The following RALYL variants were observed in gnomAD, a reference collection of about 807,000 sequenced individuals.
RALYL encodes the protein RNA-binding Raly-like protein.
Under a neutral mutation model 35.1 loss-of-function variants are expected in RALYL, and 29 were observed. The observed-to-expected ratio is 0.83, with a 90% confidence interval of 0.61 to 1.13. RALYL has a LOEUF of 1.13. Ranked by LOEUF, RALYL falls within the 50% of genes most tolerant of loss-of-function variation. The pLI is 0.00. For missense variants in RALYL, 359 were observed against 360.4 expected (o/e 1.00, Z 0.03); for synonymous variants, 120 against 127.6 (o/e 0.94, Z 0.40).
rs1564061987 is a variant in RALYL at position 84,511,700 on chromosome 8, C to A, written c.-23-17599C>A. Among the ~76,000 whole-genome samples, 6 of 152,278 alleles carry A rather than the reference C, an allele frequency of 3.9e-5. No homozygotes were observed. In the South Asian group the frequency reaches 1.2e-3, roughly 32 times the overall value. On this transcript the variant is annotated intron_variant, in intron 1 of 8. Coordinates refer to ENST00000521268, the MANE Select transcript of RALYL (RefSeq NM_173848.7). The stretch of plus-strand genomic sequence containing the variant: ...TGAACTACCTCTCTTCATCTCACCT[C>A]TCCCCATACCCACATATGCCCTTCC...
In RALYL at chr8:84,416,303, C is replaced by A. The variant is rs79773155; in HGVS notation, c.-23-112996C>A. Among the ~76,000 whole-genome samples, 26 of 152,282 alleles carry A rather than the reference C, an allele frequency of 1.7e-4. No homozygotes were observed. The East Asian group carries it at 4.2e-3, about 25-fold the overall frequency. On this transcript the variant is annotated intron_variant, in intron 1 of 8. Coordinates refer to ENST00000521268, the MANE Select transcript of RALYL (RefSeq NM_173848.7). ...GGTCAAGACAGACATTAAATATCAT[C>A]CAAATAATCATAAAATTTACTGTGG...
At chr8:84,286,292 T>A (rs775290024) in intron 1 of RALYL, among the ~76,000 whole-genome samples, 14 of 152,186 alleles carry the variant, frequency 9.2e-5, no homozygotes, top group Non-Finnish European at 1.8e-4. Context: ...TTTTCTCTGG[T>A]CATGTTTGGT....
intron 1 of RALYL, among the ~76,000 whole-genome samples, chr8:84,366,099 C>G (rs1854203528): frequency 6.6e-6 from 1 of 152,146 alleles, no homozygotes; most frequent in Admixed American, 6.6e-5. Flanking sequence ...GCTCTGTTGT[C>G]TGGTGCCAGA....
chr8:84,223,152 CCTT>C (rs1822796547), intron 1 of RALYL, among the ~76,000 whole-genome samples: 1 of 132,466 alleles, frequency 7.5e-6, no homozygotes, highest in East Asian at 2.3e-4. Context: ...CCTTTCCTTT[CCTT>C]TCTTTCCTTC....
intron 1 of RALYL, among the ~76,000 whole-genome samples, chr8:84,506,518 G>A (rs1349711054): frequency 3.3e-5 from 5 of 151,722 alleles, no homozygotes; most frequent in Non-Finnish European, 7.4e-5. Flanking sequence ...TAAAGTATTC[G>A]GTTATTGGAT....
intron 1 of RALYL, among the ~76,000 whole-genome samples, chr8:84,406,084 A>G (rs1586908217): frequency 6.6e-6 from 1 of 151,716 alleles, no homozygotes. Context: ...AAAGAATAAC[A>G]AAAAGTTAAC....
At chr8:84,414,580 G>T (rs768529767) in intron 1 of RALYL, among the ~76,000 whole-genome samples, 1 of 151,994 alleles carries the variant, frequency 6.6e-6, no homozygotes, top group Non-Finnish European at 1.5e-5. Context: ...CATATTTGAC[G>T]TGCAAATATA....
At chr8:84,438,044 A>C (rs2047931883) in intron 1 of RALYL, among the ~76,000 whole-genome samples, 1 of 152,078 alleles carries the variant, frequency 6.6e-6, no homozygotes, top group African/African-American at 2.4e-5. Flanking sequence ...TTTGTTGGCC[A>C]TTGCTATGTC....
At chr8:84,304,294 T>A (rs899341090) in intron 1 of RALYL, among the ~76,000 whole-genome samples, 4 of 152,052 alleles carry the variant, frequency 2.6e-5, no homozygotes, top group African/African-American at 9.7e-5. Context: ...ATTTTTTGTA[T>A]TTTTAGTAGA....
chr8:84,358,696 A>G (rs1852351180), intron 1 of RALYL, among the ~76,000 whole-genome samples: 1 of 152,084 alleles, frequency 6.6e-6, no homozygotes, highest in Non-Finnish European at 1.5e-5. Context: ...AGAATGGCTT[A>G]ACTGCACTGG....
In RALYL at chr8:84,886,476, TA is replaced by T. The variant is rs1842931574; in HGVS notation, c.686-1122del. Among the ~76,000 whole-genome samples, 3 of 152,034 alleles carry T rather than the reference TA, an allele frequency of 2.0e-5. No homozygotes were observed. The South Asian group carries it at 6.2e-4, about 31-fold the overall frequency. On this transcript the variant is annotated intron_variant, in intron 7 of 8. Transcript: ENST00000521268. ...TGTCATAAATTATCAATAAATAAGA[TA>T]AAAAATTAGGCTATTTAAAAACTCA...
At chr8:84,363,270 T>A (rs1204228265) in intron 1 of RALYL, among the ~76,000 whole-genome samples, 1 of 152,188 alleles carries the variant, frequency 6.6e-6, no homozygotes, top group Non-Finnish European at 1.5e-5. Context: ...GTTGGCCACC[T>A]GCAGAAAAAT....
At chr8:84,641,944 A>G (rs191545040) in intron 2 of RALYL, among the ~76,000 whole-genome samples, 207 of 152,064 alleles carry the variant, frequency 1.4e-3, no homozygotes, top group Non-Finnish European at 2.4e-3. Flanking sequence ...CATGCTTCCA[A>G]AGGCATTTTT....
intron 2 of RALYL, among the ~76,000 whole-genome samples, chr8:84,649,420 C>T (rs1053232944): frequency 2.6e-5 from 4 of 151,484 alleles, no homozygotes; most frequent in African/African-American, 4.9e-5. Context: ...TTAGGTCTAA[C>T]GTTTAAGTCT....
At chr8:84,601,209 A>G (rs891094614) in intron 2 of RALYL, among the ~76,000 whole-genome samples, 2 of 152,122 alleles carry the variant, frequency 1.3e-5, no homozygotes, top group East Asian at 1.9e-4. Context: ...TATGACCTAC[A>G]TTTAATCTTA....
intron 1 of RALYL, among the ~76,000 whole-genome samples, chr8:84,438,862 T>C (rs979197623): frequency 1.3e-5 from 2 of 152,154 alleles, no homozygotes; most frequent in Non-Finnish European, 2.9e-5. Context: ...TTGCTTGTTT[T>C]TGTCAGTTTC....
intron 1 of RALYL, among the ~76,000 whole-genome samples, chr8:84,194,945 C>T (rs1004936688): frequency 3.3e-5 from 5 of 151,918 alleles, no homozygotes; most frequent in Non-Finnish European, 7.4e-5. Context: ...TTTTGTTCAA[C>T]AGATGGAAAA....
At chr8:84,845,624 T>C (rs2134696815) in intron 4 of RALYL, among the ~76,000 whole-genome samples, 1 of 152,278 alleles carries the variant, frequency 6.6e-6, no homozygotes, top group African/African-American at 2.4e-5. Flanking sequence ...AGGCTGTCTG[T>C]TTACTTCCTT....
intron 1 of RALYL, among the ~76,000 whole-genome samples, chr8:84,435,917 T>A (rs1322302743): frequency 6.6e-6 from 1 of 152,128 alleles, no homozygotes; most frequent in Non-Finnish European, 1.5e-5. Flanking sequence ...AAGGATGCTT[T>A]CTTCTCTAGA....
Sources: allele counts gnomAD v4.1 joint callset (sites outside exome capture counted in the v4.1 genomes callset), GRCh38; gene constraint gnomAD v4.1.1; transcripts MANE v1.5; gene names NCBI Gene and HGNC (gene_info 2026-07-23, HGNC 2026-07-21).